PRKACA: variants seen among roughly 807,000 people sequenced by gnomAD.
The protein encoded by PRKACA is protein kinase cAMP-activated catalytic subunit alpha.
Under a neutral mutation model 45.8 loss-of-function variants are expected in PRKACA, and 9 were observed. That is an observed-to-expected ratio of 0.20 (90% CI 0.12 to 0.34). The LOEUF is 0.34. Among genes scored for constraint, PRKACA ranks in the 10% least tolerant of loss-of-function variants. The pLI, the probability that PRKACA is intolerant of heterozygous loss-of-function variation, is 1.00. For synonymous variants in PRKACA, 160 were observed against 178.6 expected (o/e 0.90, Z 0.83); for missense variants, 238 against 458.6 (o/e 0.52, Z 4.39).
chr19:14,098,214 G>GAAAAA (rs1977323034), intron 5 of PRKACA: 1 of 247,274 alleles, frequency 4.0e-6, no homozygotes, highest in African/African-American at 2.2e-5. Context: ...AAAAGAACAT[G>GAAAAA]AATGATTCCA....
Position 14,093,731 on chromosome 19 carries a change from A to G in PRKACA, c.827T>C (p.Val276Ala), listed in dbSNP as rs761312324. Residue 276 changes from valine to alanine, a missense_variant, in exon 9 of 10, where the codon GTA becomes GCA. Transcript: ENST00000308677. ...LKDLLRNLLQ[V>A]DLTKRFGNLK... ...GTTCCCAAAGCGCTTGGTGAGATCTACCTGCAGGAGGTTCCGCAGCAGGTC... is the reference window on the plus strand; with the variant it reads ...GTTCCCAAAGCGCTTGGTGAGATCTGCCTGCAGGAGGTTCCGCAGCAGGTC... The G allele has an allele frequency of 3.7e-6, 6 of 1,613,964 alleles. No individual in the cohort carries two copies. Among genetic ancestry groups the G allele is most frequent in the African/African-American group, 2.7e-5 (2 of 74,896 alleles).
chr19:14,107,311 C>T (rs763758962), intron 2 of PRKACA, 37 bp downstream of exon 2: 8 of 1,593,194 alleles, frequency 5.0e-6, no homozygotes, highest in Non-Finnish European at 6.9e-6. Flanking sequence ...GGGTTAGCAG[C>T]TCACCCCTCC....
At chr19:14,110,178 C>T (rs1966927053) in intron 1 of PRKACA, among the ~76,000 whole-genome samples, 1 of 150,906 alleles carries the variant, frequency 6.6e-6, no homozygotes, top group Admixed American at 6.6e-5. Context: ...ATTAGCTGAG[C>T]ATAGTGGCCC....
chr19:14,103,947 G>A (rs1026674256), intron 3 of PRKACA, among the ~76,000 whole-genome samples: 5 of 152,114 alleles, frequency 3.3e-5, no homozygotes, highest in Admixed American at 1.3e-4. Flanking sequence ...GGCATGGCAC[G>A]ACTATGGTCC....
chr19:14,105,371 G>A (rs926757164), intron 3 of PRKACA, among the ~76,000 whole-genome samples: 4 of 151,962 alleles, frequency 2.6e-5, no homozygotes, highest in African/African-American at 9.7e-5. Flanking sequence ...AGTTAGCTGG[G>A]CGTGGTGGTG....
chr19:14,115,548 G>A (rs1207463822), intron 1 of PRKACA, among the ~76,000 whole-genome samples: 21 of 152,118 alleles, frequency 1.4e-4, no homozygotes, highest in Admixed American at 1.4e-3. Context: ...CACCAGAGTA[G>A]GTATCTCTAT....
Position 14,100,898 on chromosome 19 carries a change from T to A in PRKACA, c.347A>T (p.Asn116Ile), listed in dbSNP as rs1005719030. 1.2e-6 allele frequency: 2 copies of A among 1,613,780 alleles called. No homozygotes were observed. The highest frequency in any genetic ancestry group is 1.7e-6 in the Non-Finnish European group (2 of 1,179,780). Residue 116 changes from asparagine (N) to isoleucine (I), a missense_variant, in exon 5 of 10, where the codon AAC becomes ATC. Transcript: ENST00000308677. ...CACGTACTCCATGACCATGTATAAG[T>A]TTGAGTTGTCCTGTGGGAAGCAGTG... ...KLEFSFKDNS[N>I]LYMVMEYVPG...
intron 3 of PRKACA, among the ~76,000 whole-genome samples, chr19:14,106,403 C>T (rs959529606): frequency 2.0e-5 from 3 of 152,148 alleles, no homozygotes; most frequent in African/African-American, 7.2e-5. Flanking sequence ...CCTGTAATCC[C>T]AGCACTTTGG....
chr19:14,097,503 C>A lies in PRKACA; in HGVS notation c.643-20G>T, dbSNP rs373462512. On this transcript the variant is annotated intron_variant, in intron 7 of 9. Coordinates refer to ENST00000308677, the MANE Select transcript of PRKACA (RefSeq NM_002730.4). The surrounding 1 kb of genome is among the most constrained non-coding windows in gnomAD (Gnocchi z 5.4). ...GTAGCCCTGGAGCAAGATGGGGGGG[C>A]ACAGGGTGAGGAGGAGGCGAGAGCA... 6.2e-7 allele frequency: 1 copy of A among 1,613,888 alleles called. No individual in the cohort carries two copies. The highest frequency in any genetic ancestry group is 8.5e-7 in the Non-Finnish European group (1 of 1,179,934).
rs771511260 is a variant in PRKACA at position 14,097,222 on chromosome 19, C to T, written c.765+139G>A. 2.4e-5 allele frequency: 33 copies of T among 1,354,336 alleles called. No homozygotes were observed. The highest frequency in any genetic ancestry group is 1.8e-4 in the Middle Eastern group (1 of 5,598). 83.9% of individuals were successfully genotyped at this position (1,354,336 alleles called of 1,614,324 possible). A position where few individuals can be genotyped will look rare whatever the true frequency, so the allele number is the denominator to read the frequency against. On this transcript the variant is annotated intron_variant, in intron 8 of 9. Coordinates refer to ENST00000308677, the MANE Select transcript of PRKACA (RefSeq NM_002730.4). This position sits in a 1 kb window ranked among gnomAD's most constrained non-coding sequence, Gnocchi z 5.4. ...GGTGTTGGCCTCAGTGTGGCCGGCG[C>T]GTCCAGCTTCACCACCTGGCCTGAC...
At chr19:14,107,027 G>GA in intron 2 of PRKACA, 139 bp from the exon 3 acceptor site, 1 of 1,125,162 alleles carries the variant, frequency 8.9e-7, no homozygotes, top group Non-Finnish European at 1.3e-6. Flanking sequence ...ACAGGGGGCG[G>GA]AAAATCAAGA....
chr19:14,113,101 G>A (rs535739883), intron 1 of PRKACA, among the ~76,000 whole-genome samples: 175 of 152,226 alleles, frequency 1.1e-3, no homozygotes, highest in Non-Finnish European at 2.3e-3. Context: ...GGGGTGGAGA[G>A]GGGAAAGGCA....
In PRKACA at chr19:14,114,172, C is replaced by T. The variant is rs777958755; in HGVS notation, c.46+3330G>A. On this transcript the variant is annotated intron_variant, in intron 1 of 9. Transcript: ENST00000308677. ...GGAAGCCATCACTCAGTCCTGTTCTCAGGGCACCGGCACTACGGTGGCTGG... is the reference window on the plus strand; with the variant it reads ...GGAAGCCATCACTCAGTCCTGTTCTTAGGGCACCGGCACTACGGTGGCTGG... 3.1e-6 allele frequency: 5 copies of T among 1,610,162 alleles called. No homozygotes were observed. The Admixed American group carries it at 5.0e-5, about 16-fold the overall frequency.
intron 5 of PRKACA, among the ~76,000 whole-genome samples, chr19:14,099,966 G>A (rs958175831): frequency 2.6e-5 from 4 of 151,598 alleles, no homozygotes; most frequent in African/African-American, 4.8e-5. Flanking sequence ...TCAGCCTCCC[G>A]AGTAGCTGGG....
intron 9 of PRKACA, 106 bp from the exon 10 acceptor site, chr19:14,093,343 G>C (rs1977148961): frequency 7.0e-7 from 1 of 1,431,158 alleles, no homozygotes; most frequent in Non-Finnish European, 9.6e-7. Context: ...CTCTGACTCA[G>C]GCCTGTGCTT....
Position 14,097,955 on chromosome 19 carries a change from C to T in PRKACA, c.420-65G>A, listed in dbSNP as rs1977312627. On this transcript the variant is annotated intron_variant, in intron 5 of 9. Transcript: ENST00000308677. The surrounding 1 kb of genome is among the most constrained non-coding windows in gnomAD (Gnocchi z 5.4). ...GCCCCAAAATGGTCCAGCAGGTGGC[C>T]CTGCAGAGCCTACCCCAGAGGAAGA... The T allele has an allele frequency of 1.9e-6, 3 of 1,594,374 alleles. No homozygotes were observed. Among genetic ancestry groups the T allele is most frequent in the African/African-American group, 1.3e-5 (1 of 74,654 alleles).
intron 3 of PRKACA, 75 bp from the exon 4 acceptor site, chr19:14,102,989 T>C (rs1977491476): frequency 8.2e-7 from 1 of 1,220,134 alleles, no homozygotes; most frequent in Admixed American, 1.7e-5. Context: ...TGCCTGGAAC[T>C]AGGGATGCCG....
chr19:14,094,467 G>C (rs776566210), intron 8 of PRKACA, among the ~76,000 whole-genome samples: 1 of 152,232 alleles, frequency 6.6e-6, no homozygotes, highest in South Asian at 2.1e-4. Context: ...GGGATTACAG[G>C]TGTGAGCCAC....
chr19:14,097,469 G>C lies in PRKACA; in HGVS notation c.657C>G (p.Ala219=), dbSNP rs781602713. ...EIILSKGYNK[A]VDWWALGVLI... ...GAACCCCCAGGGCCCACCAGTCCAC[G>C]GCCTTGTTGTAGCCCTGGAGCAAGA... Residue 219 remains alanine, a synonymous_variant, in exon 8 of 10, where the codon GCC becomes GCG. Coordinates refer to ENST00000308677, the MANE Select transcript of PRKACA (RefSeq NM_002730.4). This position sits in a 1 kb window ranked among gnomAD's most constrained non-coding sequence, Gnocchi z 5.4. 7 of 1,614,098 alleles carry C rather than the reference G, an allele frequency of 4.3e-6. 1 individual carries two copies. In the Admixed American group the frequency reaches 1.0e-4, roughly 23 times the overall value.
Sources: gnomAD v4.1 joint callset for allele counts (sites outside exome capture counted in the v4.1 genomes callset) on GRCh38, gnomAD v4.1.1 for gene constraint, Gnocchi (gnomAD v3.1) non-coding constraint, MANE v1.5 for transcripts, NCBI Gene and HGNC (gene_info 2026-07-23, HGNC 2026-07-21) for gene names.